NBPF19: variants seen among roughly 807,000 people sequenced by gnomAD.
NBPF19 encodes NBPF family member NBPF19.
NBPF19 carries 30 observed loss-of-function variants against 45.9 expected under a neutral mutation model. The ratio of observed to expected loss-of-function variants is 0.65; its 90% CI spans 0.49 to 0.89. The LOEUF is 0.89. Among genes scored for constraint, NBPF19 ranks in the 40% least tolerant of loss-of-function variants. The pLI is 0.00. For missense variants in NBPF19, 495 were observed against 471.8 expected, an observed-to-expected ratio of 1.05 and a Z score of -0.46; for synonymous variants, 183 against 181.2, an observed-to-expected ratio of 1.01 and a Z score of -0.08.
Position 149,476,006 on chromosome 1 carries a change from GC to G in NBPF19, c.79del (p.Gln27SerfsTer18). 7.6e-7 allele frequency: 1 copy of G among 1,318,670 alleles called. No individual in the cohort carries two copies. The highest frequency in any genetic ancestry group is 1.1e-6 in the Non-Finnish European group (1 of 920,280). 81.7% of individuals were successfully genotyped at this position (1,318,670 alleles called of 1,614,324 possible). On this transcript the variant is annotated frameshift_variant, in exon 2 of 94. Coordinates refer to ENST00000651566, the MANE Select transcript of NBPF19 (RefSeq NM_001351365.2). LOFTEE classifies it high-confidence loss of function. ...MNILEINETL[R>X]PQLAEKKQQF... is the part of the protein sequence containing the mutation. ...ATTCTAGAAATCAACGAGACATTGC[GC>G]CCCCAGCTGGCAGAGAAGAAACAGC...
At position 149,554,923 on chromosome 1, in the gene NBPF19, A is replaced by T; in HGVS notation, c.*185A>T. The T allele has an allele frequency of 9.4e-7, 1 of 1,062,390 alleles. No homozygotes were observed. 65.8% of individuals were successfully genotyped at this position (1,062,390 alleles called of 1,614,324 possible). A position where few individuals can be genotyped will look rare whatever the true frequency, so the allele number is the denominator to read the frequency against. ...TGCTCAGTCTGAAGACAATGGACCC[A>T]CGTTAGGTGTGACACGTTCACATAA... is the stretch of plus-strand genomic sequence containing the variant. On this transcript the variant is annotated 3_prime_UTR_variant, in exon 94 of 94. Transcript: ENST00000651566.
Position 149,516,401 on chromosome 1 carries a change from GC to G in NBPF19, c.5433-160del, listed in dbSNP as rs1165890918. Among the ~76,000 whole-genome samples the G allele has an allele frequency of 9.4e-4, 116 of 123,790 alleles. 7 individuals are homozygous for G. The highest frequency in any genetic ancestry group is 3.4e-3 in the African/African-American group (110 of 32,172). 81.2% of individuals were successfully genotyped at this position (123,790 alleles called of 152,430 possible). On this transcript the variant is annotated intron_variant, in intron 45 of 93. Coordinates refer to ENST00000651566, the MANE Select transcript of NBPF19 (RefSeq NM_001351365.2). ...TTTCTCTTTCATTGTTTTCTACCTG[GC>G]CCTGTTCTATCCCAACATAAAGGCA...
At chr1:149,490,742 G>C (rs1164127939) in intron 13 of NBPF19, among the ~76,000 whole-genome samples, 110 of 54,876 alleles carry the variant, frequency 2.0e-3, no homozygotes, top group Non-Finnish European at 2.1e-3. Context: ...CGACTGCATG[G>C]AAACTTGAGC....
rs2084768655 is a variant in NBPF19, at chr1:149,475,502, G to A, written c.-329G>A. ...TACACGAATACTGAGAGTGAATGCT[G>A]AAGGAATGATCCCCATTGGTGGTGA... is the stretch of plus-strand genomic sequence containing the variant. On this transcript the variant is annotated 5_prime_UTR_variant, in exon 1 of 94. The change abolishes the stop of an existing upstream ORF in the 5' untranslated region. Coordinates refer to ENST00000651566, the MANE Select transcript of NBPF19 (RefSeq NM_001351365.2). The A allele has an allele frequency of 3.2e-6, 2 of 622,446 alleles. No homozygotes were observed. The highest frequency in any genetic ancestry group is 3.9e-5 in the South Asian group (2 of 51,288). 38.6% of individuals were successfully genotyped at this position (622,446 alleles called of 1,614,324 possible).
intron 9 of NBPF19, among the ~76,000 whole-genome samples, chr1:149,487,664 G>A: frequency 6.7e-6 from 1 of 150,082 alleles, no homozygotes. Context: ...CAAAATTATT[G>A]AGGACATGCT....
At chr1:149,487,815 G>C (rs1417164904) in intron 9 of NBPF19, among the ~76,000 whole-genome samples, 198 bp from the exon 10 acceptor site, 9 of 144,594 alleles carry the variant, frequency 6.2e-5, no homozygotes, top group African/African-American at 2.0e-4. Flanking sequence ...GTGTGTGTGT[G>C]TGTGTGTGTC....
intron 6 of NBPF19, among the ~76,000 whole-genome samples, chr1:149,481,454 T>C: frequency 2.7e-5 from 3 of 110,844 alleles, no homozygotes; most frequent in South Asian, 7.0e-4. Flanking sequence ...TGATCCAATG[T>C]TTCTTTGTAG....
intron 7 of NBPF19, among the ~76,000 whole-genome samples, chr1:149,482,677 T>C (rs2085269420): frequency 6.6e-6 from 1 of 152,068 alleles, no homozygotes; most frequent in African/African-American, 2.4e-5. Context: ...CATTTAGTGC[T>C]ATAATTTTCC....
At chr1:149,487,472 A>G (rs1210994715) in intron 9 of NBPF19, 89 bp downstream of exon 9, 3 of 981,724 alleles carry the variant, frequency 3.1e-6, no homozygotes, top group Non-Finnish European at 4.9e-6. Flanking sequence ...GAAAATAATG[A>G]TTTTGTCTTG....
intron 2 of NBPF19, 149 bp from the exon 3 acceptor site, chr1:149,477,796 T>C (rs1451016749): frequency 9.1e-6 from 8 of 878,634 alleles, no homozygotes; most frequent in Non-Finnish European, 1.4e-5. Flanking sequence ...GTCAGGAGAC[T>C]GAAGAATAAA....
At position 149,486,388 on chromosome 1, in the gene NBPF19, T is replaced by A; in HGVS notation, c.988+95T>A. ...CTTGTGCCCCTTGTTGGGCTGAGATTTGCCATCACCGTGGGCTGAACCTAT... is the reference window on the plus strand; with the variant it reads ...CTTGTGCCCCTTGTTGGGCTGAGATATGCCATCACCGTGGGCTGAACCTAT... On this transcript the variant is annotated intron_variant, in intron 8 of 93. Coordinates refer to ENST00000651566, the MANE Select transcript of NBPF19 (RefSeq NM_001351365.2). The A allele has an allele frequency of 6.1e-6, 4 of 660,766 alleles. No homozygotes were observed. The East Asian group carries it at 1.1e-4, about 18-fold the overall frequency. The allele number at this position is 660,766 out of a possible 1,614,324, so 40.9% of individuals were successfully genotyped here.
chr1:149,488,218 C>A (rs2085731974), intron 10 of NBPF19, 33 bp downstream of exon 10: 1 of 590,064 alleles, frequency 1.7e-6, no homozygotes, highest in African/African-American at 2.1e-5. Flanking sequence ...GATAAGGATC[C>A]ACTGAGTCTT....
At chr1:149,528,961 G>C (rs1226083560) in intron 61 of NBPF19, among the ~76,000 whole-genome samples, 280 of 130,990 alleles carry the variant, frequency 2.1e-3, no homozygotes, top group Admixed American at 0.013. Context: ...GTGTGTGTGT[G>C]TGTGTGTGTG....
chr1:149,488,244 T>C, intron 10 of NBPF19, 59 bp downstream of exon 10: 1 of 567,356 alleles, frequency 1.8e-6, no homozygotes, highest in South Asian at 2.0e-5. Context: ...TAGGGTCATA[T>C]TCCTACTGCA....
Position 149,479,152 on chromosome 1 carries a change from C to A in NBPF19, c.493+58C>A, listed in dbSNP as rs1345011636. 9 of 1,546,622 alleles carry A rather than the reference C, an allele frequency of 5.8e-6. 1 individual carries two copies. The highest frequency in any genetic ancestry group is 2.7e-5 in the African/African-American group (2 of 72,824). On this transcript the variant is annotated intron_variant, in intron 4 of 93. Transcript: ENST00000651566. ...CCCCAGGCTTATGAGAGGCTCCAGA[C>A]CTCCATACTTTCACAATGACAGTTA...
chr1:149,487,515 C>A, intron 9 of NBPF19, 132 bp downstream of exon 9: 4 of 993,448 alleles, frequency 4.0e-6, no homozygotes, highest in South Asian at 1.3e-5. Context: ...TAATACATTG[C>A]TTTTTTGTTC....
At chr1:149,478,413 C>T (rs1474134731) in intron 3 of NBPF19, among the ~76,000 whole-genome samples, 3 of 151,314 alleles carry the variant, frequency 2.0e-5, no homozygotes, top group Non-Finnish European at 4.4e-5. Context: ...TGCGTCTTCT[C>T]ATTCTTTCAC....
At position 149,484,455 on chromosome 1, in the gene NBPF19, C is replaced by G. The variant is rs7533074; in HGVS notation, c.825-1675C>G. On this transcript the variant is annotated intron_variant, in intron 7 of 93. Transcript: ENST00000651566. ...TGGACATGTATACATATGTAACTAA[C>G]CTGCACGTTGTGCACATGTACCCTA... Among the ~76,000 whole-genome samples the G allele has an allele frequency of 1.2e-4, 17 of 143,988 alleles. 1 individual carries two copies. The highest frequency in any genetic ancestry group is 3.1e-4 in the African/African-American group (12 of 38,272). 94.5% of individuals were successfully genotyped at this position (143,988 alleles called of 152,430 possible). A position where few individuals can be genotyped will look rare whatever the true frequency, so the allele number is the denominator to read the frequency against.
chr1:149,487,645 C>G (rs1405235092), intron 9 of NBPF19, among the ~76,000 whole-genome samples: 2 of 150,406 alleles, frequency 1.3e-5, no homozygotes, highest in Admixed American at 6.6e-5. Context: ...AACTTGAGCA[C>G]ATTTTATGCA....
Sources: allele counts gnomAD v4.1 joint callset (sites outside exome capture counted in the v4.1 genomes callset), GRCh38; gene constraint gnomAD v4.1.1; transcripts MANE v1.5; gene names NCBI Gene and HGNC (gene_info 2026-07-23, HGNC 2026-07-21).